KCNMB2: variants seen among roughly 807,000 people sequenced by gnomAD.
The protein encoded by KCNMB2 is potassium calcium-activated channel subfamily M regulatory beta subunit 2.
Under a neutral mutation model 24.5 loss-of-function variants are expected in KCNMB2, and 9 were observed. The ratio of observed to expected loss-of-function variants is 0.37; its 90% CI spans 0.22 to 0.64. The LOEUF (loss-of-function observed/expected upper bound fraction) is 0.64. Among genes scored for constraint, KCNMB2 ranks in the 30% least tolerant of loss-of-function variants. The pLI is 0.63. For missense variants in KCNMB2, 226 were observed against 284.3 expected, an observed-to-expected ratio of 0.79 and a Z score of 1.47; for synonymous variants, 109 against 104.4, an observed-to-expected ratio of 1.04 and a Z score of -0.27.
At chr3:178,632,157 G>T (rs879696019) in intron 1 of KCNMB2, among the ~76,000 whole-genome samples, 1 of 152,188 alleles carries the variant, frequency 6.6e-6, no homozygotes, top group African/African-American at 2.4e-5. Context: ...CAACACAGAG[G>T]CTGAAAACAC....
intron 1 of KCNMB2, among the ~76,000 whole-genome samples, chr3:178,779,654 C>T (rs946162620): frequency 6.6e-6 from 1 of 152,190 alleles, no homozygotes; most frequent in Non-Finnish European, 1.5e-5. Context: ...TATTTTATAA[C>T]ATGTTCCTCT....
chr3:178,778,455 GACACACACACACACACAC>G (rs71628070), intron 1 of KCNMB2, among the ~76,000 whole-genome samples: 7 of 127,452 alleles, frequency 5.5e-5, no homozygotes, highest in Admixed American at 8.2e-5. Flanking sequence ...TACCCTTTAA[GACACACACACACACACAC>G]ACACACACAC....
At chr3:178,621,112 A>C (rs950930620) in intron 1 of KCNMB2, among the ~76,000 whole-genome samples, 3 of 152,202 alleles carry the variant, frequency 2.0e-5, no homozygotes, top group African/African-American at 7.2e-5. Context: ...TAGAAGACGC[A>C]AGAGAGTACA....
In KCNMB2 at chr3:178,825,731, TCA is replaced by T. The variant is rs1714807770; in HGVS notation, c.204_205del (p.Leu69ProfsTer27). The T allele has an allele frequency of 6.2e-7, 1 of 1,613,630 alleles. No homozygotes were observed. The highest frequency in any genetic ancestry group is 8.5e-7 in the Non-Finnish European group (1 of 1,179,740). On this transcript the variant is annotated frameshift_variant, in exon 3 of 5. Coordinates refer to ENST00000452583, the MANE Select transcript of KCNMB2 (RefSeq NM_181361.3). LOFTEE classifies it high-confidence loss of function. Reference sequence around the variant, plus strand: ...ATCATGATGTATTTTCTGCTGGGAATCACACTCCTGCGCTCATACATGCAGAG... The same window carrying T: ...ATCATGATGTATTTTCTGCTGGGAATCACTCCTGCGCTCATACATGCAGAG...
intron 1 of KCNMB2, among the ~76,000 whole-genome samples, chr3:178,796,195 G>A (rs1477326750): frequency 6.6e-6 from 1 of 151,998 alleles, no homozygotes; most frequent in East Asian, 1.9e-4. Flanking sequence ...ATGATAAAGG[G>A]GTTAATTCAT....
intron 1 of KCNMB2, among the ~76,000 whole-genome samples, chr3:178,695,125 T>C (rs1456139409): frequency 6.6e-6 from 1 of 152,216 alleles, no homozygotes; most frequent in African/African-American, 2.4e-5. Context: ...AAACACCACA[T>C]GGAAGTTGCC....
At chr3:178,653,667 A>G (rs1720214651) in intron 1 of KCNMB2, among the ~76,000 whole-genome samples, 2 of 152,110 alleles carry the variant, frequency 1.3e-5, no homozygotes, top group Non-Finnish European at 2.9e-5. Flanking sequence ...GATATAATTA[A>G]ATAATTTTTT....
chr3:178,838,127 C>T (rs1239059600), intron 4 of KCNMB2, among the ~76,000 whole-genome samples: 1 of 152,102 alleles, frequency 6.6e-6, no homozygotes, highest in Non-Finnish European at 1.5e-5. Context: ...GTTCAAAAAA[C>T]ATTTCTAAAA....
At chr3:178,714,873 G>A (rs1275938100) in intron 1 of KCNMB2, among the ~76,000 whole-genome samples, 2 of 152,148 alleles carry the variant, frequency 1.3e-5, no homozygotes, top group African/African-American at 2.4e-5. Flanking sequence ...CCAGTCTCCT[G>A]TCTAGAAAAA....
chr3:178,560,781 A>C (rs1716289615), intron 1 of KCNMB2, among the ~76,000 whole-genome samples: 1 of 152,250 alleles, frequency 6.6e-6, no homozygotes, highest in African/African-American at 2.4e-5. Flanking sequence ...AATTTTTGAA[A>C]TAACTATATG....
chr3:178,699,838 A>G lies in KCNMB2; in HGVS notation c.-67-107505A>G, dbSNP rs866409499. Among the ~76,000 whole-genome samples, 4 of 152,204 alleles carry G rather than the reference A, an allele frequency of 2.6e-5. No individual in the cohort carries two copies. In the South Asian group the frequency reaches 8.3e-4, roughly 32 times the overall value. The stretch of plus-strand genomic sequence containing the variant: ...TGGCTTGCCATCCCACCACTTCTCT[A>G]GGCAGCTCTTGCTGCTACCTCAAGT... On this transcript the variant is annotated intron_variant, in intron 1 of 4. Coordinates refer to ENST00000452583, the MANE Select transcript of KCNMB2 (RefSeq NM_181361.3).
intron 1 of KCNMB2, among the ~76,000 whole-genome samples, chr3:178,668,240 C>CG (rs1720786421): frequency 6.6e-6 from 1 of 151,980 alleles, no homozygotes; most frequent in Admixed American, 6.6e-5. Flanking sequence ...GGTAAGGAGA[C>CG]GGGGGTGAGC....
At chr3:178,555,663 A>G (rs1449420771) in intron 1 of KCNMB2, among the ~76,000 whole-genome samples, 1 of 152,228 alleles carries the variant, frequency 6.6e-6, no homozygotes, top group Non-Finnish European at 1.5e-5. Context: ...GAGGAGGCCC[A>G]GGGTGAGAAA....
At chr3:178,694,292 A>T (rs1721796311) in intron 1 of KCNMB2, among the ~76,000 whole-genome samples, 1 of 152,170 alleles carries the variant, frequency 6.6e-6, no homozygotes. Context: ...CTCCTATAAC[A>T]TGTGGGGATC....
chr3:178,681,077 A>G (rs967485318), intron 1 of KCNMB2, among the ~76,000 whole-genome samples: 3 of 152,202 alleles, frequency 2.0e-5, no homozygotes, highest in Admixed American at 6.5e-5. Flanking sequence ...TCCTTAGCTT[A>G]GCTGCCTATT....
intron 1 of KCNMB2, among the ~76,000 whole-genome samples, chr3:178,758,583 T>C (rs1430143066): frequency 1.5e-5 from 1 of 65,140 alleles, no homozygotes; most frequent in Non-Finnish European, 3.1e-5. Context: ...TATATATATA[T>C]ATCCAAGAGG....
At chr3:178,756,598 G>C (rs905683057) in intron 1 of KCNMB2, among the ~76,000 whole-genome samples, 1 of 151,992 alleles carries the variant, frequency 6.6e-6, no homozygotes, top group African/African-American at 2.4e-5. Context: ...CTGACTTTCA[G>C]CCTCAGAACA....
At chr3:178,655,365 G>T (rs939201713) in intron 1 of KCNMB2, among the ~76,000 whole-genome samples, 1 of 152,102 alleles carries the variant, frequency 6.6e-6, no homozygotes. Flanking sequence ...GAAAAATTTA[G>T]TGACAAAAAG....
intron 1 of KCNMB2, among the ~76,000 whole-genome samples, chr3:178,715,055 G>A (rs886388503): frequency 1.1e-4 from 17 of 152,204 alleles, no homozygotes; most frequent in Admixed American, 9.8e-4. Context: ...GAGAGATTTT[G>A]AAGGTTCCAG....
Sources: gnomAD v4.1 joint callset for allele counts (sites outside exome capture counted in the v4.1 genomes callset) on GRCh38, gnomAD v4.1.1 for gene constraint, MANE v1.5 for transcripts, NCBI Gene and HGNC (gene_info 2026-07-23, HGNC 2026-07-21) for gene names.